Variants in ZNF846 observed in about 807,000 individuals in gnomAD.
ZNF846 encodes zinc finger protein 846, also known as zinc finger protein 420 pseudogene.
A neutral mutation model predicts 16.0 loss-of-function variants in ZNF846; 15 were observed. The ratio of observed to expected loss-of-function variants is 0.94; its 90% CI spans 0.63 to 1.45. The LOEUF (loss-of-function observed/expected upper bound fraction) is 1.45, where lower values mean the gene tolerates loss of function less well. ZNF846 is among the 40% of genes most tolerant of loss of function. The pLI, the probability that ZNF846 is intolerant of heterozygous loss-of-function variation, is 0.00. For synonymous variants in ZNF846, 229 were observed against 212.0 expected (o/e 1.08, Z -0.70); for missense variants, 714 against 622.3 (o/e 1.15, Z -1.57).
chr19:9,757,378 G>T, downstream of ZNF846: 1 of 985,648 alleles, frequency 1.0e-6, no homozygotes, highest in Non-Finnish European at 1.5e-6. Context: ...TATTATATAA[G>T]ATATGGAAAT....
chr19:9,777,225 G>A (rs1321413790), intron 1 of ZNF846, among the ~76,000 whole-genome samples: 3 of 151,838 alleles, frequency 2.0e-5, no homozygotes, highest in Non-Finnish European at 4.4e-5. Flanking sequence ...CCAGCTACTT[G>A]GGAGGTCAAG....
chr19:9,770,462 T>C (rs1021478451), upstream of ZNF846, among the ~76,000 whole-genome samples: 1 of 151,640 alleles, frequency 6.6e-6, no homozygotes, highest in African/African-American at 2.4e-5. Flanking sequence ...ACATCAGTTG[T>C]TGGATATTGG....
At chr19:9,756,347 A>ATATATG (rs1568319977), downstream of ZNF846, 24 of 17,492 alleles carry the variant, frequency 1.4e-3, 1 homozygote, top group South Asian at 0.051. Flanking sequence ...GTGTGTGTGT[A>ATATATG]TATATATATA....
chr19:9,762,004 A>C (rs1331169918), intron 4 of ZNF846, 78 bp downstream of exon 4: 2 of 1,284,520 alleles, frequency 1.6e-6, no homozygotes, highest in African/African-American at 2.9e-5. Context: ...AAGTTCGCAA[A>C]GTAACATTTC....
At chr19:9,754,442 T>C (rs2045114010), downstream of ZNF846, among the ~76,000 whole-genome samples, 1 of 150,900 alleles carries the variant, frequency 6.6e-6, no homozygotes. Flanking sequence ...TGGGTGCCTG[T>C]AATCCTATCT....
intron 5 of ZNF846, among the ~76,000 whole-genome samples, chr19:9,759,451 T>A (rs994421696): frequency 2.7e-5 from 4 of 149,966 alleles, no homozygotes; most frequent in Non-Finnish European, 4.4e-5. Context: ...AAAAAAAAAA[T>A]AATCAGCCAG....
chr19:9,779,239 C>A (rs1339706946), intron 1 of ZNF846, among the ~76,000 whole-genome samples: 2 of 152,072 alleles, frequency 1.3e-5, no homozygotes, highest in African/African-American at 4.8e-5. Context: ...AATGTTACTT[C>A]CAGAAGTTAG....
chr19:9,752,614 CAAAAAA>C (rs34675292), downstream of ZNF846, among the ~76,000 whole-genome samples: 1 of 91,346 alleles, frequency 1.1e-5, no homozygotes, highest in Non-Finnish European at 2.3e-5. Flanking sequence ...GACTTCATCC[CAAAAAA>C]AAAAAAAAAA....
At chr19:9,777,712 TG>T (rs1392480937) in intron 1 of ZNF846, among the ~76,000 whole-genome samples, 2 of 151,846 alleles carry the variant, frequency 1.3e-5, no homozygotes, top group African/African-American at 4.8e-5. Flanking sequence ...AACTTGAGTT[TG>T]GGGCCAGGTG....
upstream of ZNF846, among the ~76,000 whole-genome samples, chr19:9,770,004 C>G (rs1162597475): frequency 6.6e-6 from 1 of 151,016 alleles, no homozygotes; most frequent in Non-Finnish European, 1.5e-5. Context: ...AAAAGATTAA[C>G]CTGTTAATCC....
At chr19:9,775,211 G>GTA (rs1367104739) in intron 1 of ZNF846, among the ~76,000 whole-genome samples, 16 of 151,764 alleles carry the variant, frequency 1.1e-4, no homozygotes, top group African/African-American at 3.9e-4. Context: ...GTGTGTGTGT[G>GTA]TGTATATATA....
chr19:9,778,344 C>T (rs980844334), intron 1 of ZNF846, among the ~76,000 whole-genome samples: 6 of 152,316 alleles, frequency 3.9e-5, no homozygotes, highest in Middle Eastern at 3.4e-3. Context: ...GCATCCCAGA[C>T]CTCTCCATGG....
intron 5 of ZNF846, 34 bp downstream of exon 5, chr19:9,759,826 T>C: frequency 6.7e-7 from 1 of 1,500,018 alleles, no homozygotes; most frequent in East Asian, 2.3e-5. Flanking sequence ...CTTCTTGTCC[T>C]AGTGTGGAAG....
At chr19:9,763,221 C>T in intron 3 of ZNF846, 61 bp downstream of exon 3, 1 of 1,462,608 alleles carries the variant, frequency 6.8e-7, no homozygotes. Context: ...CATTTGACAG[C>T]AAACATTTAA....
intron 1 of ZNF846, among the ~76,000 whole-genome samples, chr19:9,765,795 G>T (rs144042895): frequency 1.3e-5 from 2 of 151,742 alleles, no homozygotes; most frequent in African/African-American, 4.8e-5. Flanking sequence ...AATTGTCCAG[G>T]GGGTGGCTCA....
At chr19:9,781,553 T>C (rs1345961791) in intron 1 of ZNF846, among the ~76,000 whole-genome samples, 2 of 152,126 alleles carry the variant, frequency 1.3e-5, no homozygotes, top group African/African-American at 4.8e-5. Context: ...TCTGATGAAC[T>C]CCAGGAAAGT....
rs1002274442 is a variant in ZNF846, at chr19:9,758,767, G to A, written c.313-3C>T. 7 of 1,538,870 alleles carry A rather than the reference G, an allele frequency of 4.5e-6. No individual in the cohort carries two copies. Among genetic ancestry groups the A allele is most frequent in the Admixed American group, 4.4e-5 (2 of 45,812 alleles). On this transcript the variant is annotated splice_polypyrimidine_tract_variant and splice_region_variant and intron_variant, in intron 5 of 5. Coordinates refer to ENST00000397902, the Ensembl canonical transcript of ZNF846. ...TTCTCTGCAGTATTGCTTCTCTCCT[G>A]TTGAGATATAAAAGATGAATAAAGA...
chr19:9,774,176 TA>T (rs1237702098), intron 1 of ZNF846, among the ~76,000 whole-genome samples: 2 of 151,908 alleles, frequency 1.3e-5, no homozygotes, highest in Non-Finnish European at 1.5e-5. Flanking sequence ...CTCAAAAATA[TA>T]ACAATCCCAG....
At chr19:9,760,065 G>C (rs1406360107) in intron 4 of ZNF846, 123 bp from the exon 5 acceptor site, 20 of 630,760 alleles carry the variant, frequency 3.2e-5, no homozygotes, top group Non-Finnish European at 5.6e-5. Context: ...GCCTAGATAG[G>C]TGGCTTACCT....
Sources: allele counts gnomAD v4.1 joint callset (sites outside exome capture counted in the v4.1 genomes callset), GRCh38; gene constraint gnomAD v4.1.1; transcripts MANE v1.5; gene names NCBI Gene and HGNC (gene_info 2026-07-23, HGNC 2026-07-21).